The following DCTN5 variants were observed in gnomAD, a reference collection of about 807,000 sequenced individuals.
DCTN5 encodes the protein dynactin subunit 5, also known as dynactin 4.
DCTN5 carries 14 observed loss-of-function variants against 23.5 expected under a neutral mutation model. That is an observed-to-expected ratio of 0.60 (90% confidence interval 0.39 to 0.93). The LOEUF (loss-of-function observed/expected upper bound fraction) is 0.93, where lower values mean the gene tolerates loss of function less well. Among genes scored for constraint, DCTN5 ranks in the 40% least tolerant of loss-of-function variants. DCTN5 has a pLI of 0.00. For missense variants in DCTN5, 156 were observed against 225.9 expected (o/e 0.69, Z 1.98); for synonymous variants, 67 against 79.6 (o/e 0.84, Z 0.84).
intron 2 of DCTN5, chr16:23,657,437 CAG>C (rs556798242): frequency 3.2e-4 from 133 of 412,842 alleles, no homozygotes; most frequent in African/African-American, 2.7e-3. Flanking sequence ...GCCTGGGCAA[CAG>C]AGTGAGACCC....
intron 5 of DCTN5, chr16:23,666,523 C>T (rs1967909260): frequency 6.5e-6 from 1 of 154,412 alleles, no homozygotes; most frequent in Non-Finnish European, 1.4e-5. Context: ...GAGAAAACCT[C>T]ACATTCCCTT....
intron 2 of DCTN5, among the ~76,000 whole-genome samples, chr16:23,655,476 A>G (rs249868): frequency 0.29 from 44,717 of 151,648 alleles, 6,683 homozygotes; most frequent in East Asian, 0.44. Context: ...CTTGATTCTT[A>G]GTGATCCTTC....
intron 2 of DCTN5, among the ~76,000 whole-genome samples, chr16:23,655,911 A>G (rs958999700): frequency 6.6e-6 from 1 of 152,178 alleles, no homozygotes; most frequent in Non-Finnish European, 1.5e-5. Flanking sequence ...AGTGTGTCTT[A>G]CTAATTCTTA....
rs1276488511 is a variant in DCTN5, at chr16:23,645,118, TATATATATATATATATATA to T, written c.117+2096_117+2114del. Among the ~76,000 whole-genome samples, 328 of 42,408 alleles carry T rather than the reference TATATATATATATATATATA, an allele frequency of 7.7e-3. 14 individuals carry two copies. The highest frequency in any genetic ancestry group is 0.019 in the African/African-American group (203 of 10,794). The allele number at this position is 42,408 out of a possible 152,430, so 27.8% of individuals were successfully genotyped here. A position where few individuals can be genotyped will look rare whatever the true frequency, so the allele number is the denominator to read the frequency against. On this transcript the variant is annotated intron_variant, in intron 2 of 5. Coordinates refer to ENST00000300087, the MANE Select transcript of DCTN5 (RefSeq NM_032486.4). The stretch of plus-strand genomic sequence containing the variant: ...ATATATATATATATATATATATATA[TATATATATATATATATATA>T]TTTTTTTTTTTTTTAATACGCAGTT...
At chr16:23,661,031 C>T in intron 3 of DCTN5, 139 bp from the exon 4 acceptor site, 1 of 466,022 alleles carries the variant, frequency 2.1e-6, no homozygotes, top group South Asian at 5.4e-5. Context: ...TATAATTTTT[C>T]TAGCCTGAGG....
intron 2 of DCTN5, among the ~76,000 whole-genome samples, chr16:23,654,132 T>G (rs936390317): frequency 1.3e-4 from 20 of 152,268 alleles, no homozygotes; most frequent in African/African-American, 4.6e-4. Context: ...CTCAGAGACC[T>G]AAAGACAGAA....
At chr16:23,654,844 G>A (rs1055404357) in intron 2 of DCTN5, among the ~76,000 whole-genome samples, 2 of 152,100 alleles carry the variant, frequency 1.3e-5, no homozygotes, top group African/African-American at 4.8e-5. Flanking sequence ...GAGTGAGAAC[G>A]TGTGATATAT....
Position 23,677,181 on chromosome 16 carries a change from C to T in DCTN5, c.*10037C>T, listed in dbSNP as rs1380751524. ...TTCCTTTGCTGATTTTGCTTCCTAGCCTTTCGCTGTAGTAAAACATAGCCA... is the reference window on the plus strand; with the variant it reads ...TTCCTTTGCTGATTTTGCTTCCTAGTCTTTCGCTGTAGTAAAACATAGCCA... On this transcript the variant is annotated 3_prime_UTR_variant, in exon 6 of 6. Coordinates refer to ENST00000300087, the MANE Select transcript of DCTN5 (RefSeq NM_032486.4). 6.6e-6 allele frequency: 1 copy of T among 152,222 alleles called. No individual in the cohort carries two copies. Among genetic ancestry groups the T allele is most frequent in the Non-Finnish European group, 1.5e-5 (1 of 68,064 alleles). 9.4% of individuals were successfully genotyped at this position (152,222 alleles called of 1,614,324 possible).
chr16:23,650,886 G>C, intron 2 of DCTN5: 1 of 1,400,354 alleles, frequency 7.1e-7, no homozygotes, highest in East Asian at 2.5e-5. Context: ...GTGAATTGGA[G>C]AATGTGACCA....
intron 2 of DCTN5, among the ~76,000 whole-genome samples, chr16:23,656,105 G>A (rs900523219): frequency 6.6e-6 from 1 of 152,152 alleles, no homozygotes; most frequent in Non-Finnish European, 1.5e-5. Context: ...GCATGCACCT[G>A]TAGTCCCAGC....
rs1967873771 is a variant in DCTN5, at chr16:23,664,715, G to A, written c.349-911G>A. On this transcript the variant is annotated intron_variant, in intron 4 of 5. Transcript: ENST00000300087. ...TGGATCATGGCAGAATTGAAAAGTGGTGACAGTGGTTAAAGTCAGGGATGA... is the reference window on the plus strand; with the variant it reads ...TGGATCATGGCAGAATTGAAAAGTGATGACAGTGGTTAAAGTCAGGGATGA... 2.6e-5 allele frequency among the ~76,000 whole-genome samples: 4 copies of A among 152,238 alleles called. No homozygotes were observed. In the South Asian group the frequency reaches 8.3e-4, roughly 32 times the overall value.
intron 2 of DCTN5, among the ~76,000 whole-genome samples, chr16:23,644,642 G>T (rs998824425): frequency 1.3e-5 from 2 of 150,858 alleles, no homozygotes; most frequent in African/African-American, 4.9e-5. Context: ...CACCATATTG[G>T]CCAGGCTGGT....
In DCTN5 at chr16:23,673,143, AACC is replaced by A. The variant is rs1452140061; in HGVS notation, c.*6002_*6004del. The A allele has an allele frequency of 1.3e-5, 2 of 151,752 alleles. No individual in the cohort carries two copies. Among genetic ancestry groups the A allele is most frequent in the African/African-American group, 4.8e-5 (2 of 41,348 alleles). The allele number at this position is 151,752 out of a possible 1,614,324, so 9.4% of individuals were successfully genotyped here. On this transcript the variant is annotated 3_prime_UTR_variant, in exon 6 of 6. Transcript: ENST00000300087. ...ACTCCGTCTCAAAAAAAAAAAAAAA[AACC>A]ACAACAACAACAACAAAAATTCCAT...
chr16:23,656,502 TG>T (rs1235682242), intron 2 of DCTN5, among the ~76,000 whole-genome samples: 1 of 152,158 alleles, frequency 6.6e-6, no homozygotes, highest in Non-Finnish European at 1.5e-5. Context: ...TTGCAGAAAC[TG>T]GGTCACTATC....
chr16:23,661,384 G>C lies in DCTN5; in HGVS notation c.348+103G>C, dbSNP rs1967808555. The C allele has an allele frequency of 3.9e-6, 3 of 772,672 alleles. No individual in the cohort carries two copies. In the Admixed American group the frequency reaches 7.6e-5, roughly 20 times the overall value. 47.9% of individuals were successfully genotyped at this position (772,672 alleles called of 1,614,324 possible). A position where few individuals can be genotyped will look rare whatever the true frequency, so the allele number is the denominator to read the frequency against. On this transcript the variant is annotated intron_variant, in intron 4 of 5. Transcript: ENST00000300087. ...TTCTGTGACTAAGCAGGGTAGCAGT[G>C]GTTTCCAGTCTTCCCAGAGTTGGAT...
intron 4 of DCTN5, among the ~76,000 whole-genome samples, chr16:23,663,671 G>A (rs253101): frequency 4.6e-5 from 7 of 151,978 alleles, no homozygotes; most frequent in South Asian, 2.1e-4. Context: ...AGCCGAGATC[G>A]CGCCACTGCA....
At position 23,667,028 on chromosome 16, in the gene DCTN5, T is replaced by C. The variant is rs747804211; in HGVS notation, c.452-19T>C. On this transcript the variant is annotated intron_variant, in intron 5 of 5. Transcript: ENST00000300087. ...GTAACTTCTTCAAGCTCCTTAGAGC[T>C]GGGTCTTTCTTTCCCCAGGACTCTT... 1 of 1,613,672 alleles carries C rather than the reference T, an allele frequency of 6.2e-7. No homozygotes were observed. The highest frequency in any genetic ancestry group is 8.5e-7 in the Non-Finnish European group (1 of 1,179,962).
chr16:23,663,505 G>A (rs999309062), intron 4 of DCTN5, among the ~76,000 whole-genome samples: 2 of 152,170 alleles, frequency 1.3e-5, no homozygotes, highest in Non-Finnish European at 2.9e-5. Flanking sequence ...CTTGAGGCCA[G>A]GAGTTTAAGA....
At position 23,656,820 on chromosome 16, in the gene DCTN5, A is replaced by C. The variant is rs145758723; in HGVS notation, c.118-1687A>C. Among the ~76,000 whole-genome samples the C allele has an allele frequency of 6.2e-3, 945 of 151,832 alleles. 10 individuals carry two copies. Among genetic ancestry groups the C allele is most frequent in the African/African-American group, 0.021 (888 of 41,424 alleles). The stretch of plus-strand genomic sequence containing the variant: ...AGCCTAGCCAACATGGTGAAACCCT[A>C]TCTCTACTAAAAATACAAAAATGAG... On this transcript the variant is annotated intron_variant, in intron 2 of 5. Coordinates refer to ENST00000300087, the MANE Select transcript of DCTN5 (RefSeq NM_032486.4).
Sources: allele counts gnomAD v4.1 joint callset (sites outside exome capture counted in the v4.1 genomes callset), GRCh38; gene constraint gnomAD v4.1.1; transcripts MANE v1.5; gene names NCBI Gene and HGNC (gene_info 2026-07-23, HGNC 2026-07-21).